The following CASK variants were observed in gnomAD, a reference collection of about 807,000 sequenced individuals.
CASK encodes peripheral plasma membrane protein CASK.
A neutral mutation model predicts 82.9 loss-of-function variants in CASK; 4 were observed. The observed-to-expected ratio is 0.05, with a 90% CI of 0.02 to 0.11. The LOEUF is 0.11. Ranked by LOEUF, CASK falls within the 10% of genes least tolerant of loss-of-function variation. The pLI, the probability that CASK is intolerant of heterozygous loss-of-function variation, is 1.00. For synonymous variants in CASK, 259 were observed against 253.5 expected (o/e 1.02, Z -0.20); for missense variants, 358 against 720.9 (o/e 0.50, Z 5.76).
chrX:41,854,230 A>ACG (rs2071330087), intron 1 of CASK, among the ~76,000 whole-genome samples: 16 of 99,018 alleles, frequency 1.6e-4, no homozygotes, highest in Middle Eastern at 5.0e-3. Context: ...GCGCGCACAC[A>ACG]CACACACACA....
At position 41,561,549 on chromosome X, in the gene CASK, A is replaced by G. The variant is rs751395675; in HGVS notation, c.1668+10T>C. 4.2e-5 allele frequency: 49 copies of G among 1,158,092 alleles called. No individual in the cohort carries two copies. The highest frequency in any genetic ancestry group is 2.4e-4 in the Middle Eastern group (1 of 4,180). ...CAATTTTAGGAAAGGAAAAACTTTC[A>G]TTTACTTACAAGCATTTTTTGCAGT... On this transcript the variant is annotated intron_variant, in intron 17 of 26. Transcript: ENST00000378163.
At chrX:41,824,259 C>A (rs2070610642) in intron 2 of CASK, among the ~76,000 whole-genome samples, 1 of 112,126 alleles carries the variant, frequency 8.9e-6, no homozygotes, top group Non-Finnish European at 1.9e-5. Flanking sequence ...TGATACATGT[C>A]ATCAAAACTA....
At chrX:41,574,138 A>G (rs904152545) in intron 15 of CASK, among the ~76,000 whole-genome samples, 2 of 111,130 alleles carry the variant, frequency 1.8e-5, no homozygotes, top group Non-Finnish European at 3.8e-5. Flanking sequence ...GATCCTCTGC[A>G]GATCTGAGGT....
intron 5 of CASK, among the ~76,000 whole-genome samples, chrX:41,681,320 T>C (rs2067350901): frequency 8.9e-6 from 1 of 112,206 alleles, no homozygotes; most frequent in South Asian, 3.7e-4. Context: ...AACTTACACC[T>C]ACACAGACTG....
At chrX:41,915,814 C>T (rs1328506482) in intron 1 of CASK, among the ~76,000 whole-genome samples, 1 of 108,758 alleles carries the variant, frequency 9.2e-6, no homozygotes. Flanking sequence ...ATGGTGAAAC[C>T]CCATCTCTAC....
intron 12 of CASK, among the ~76,000 whole-genome samples, chrX:41,601,734 G>A (rs2065896875): frequency 9.0e-6 from 1 of 111,344 alleles, no homozygotes; most frequent in Non-Finnish European, 1.9e-5. Context: ...AGGTAATGAA[G>A]ATTTATTCCT....
Position 41,517,512 on chromosome X carries a change from T to C in CASK, c.*2908A>G. ...GTGACTGGAAAATCAGGACATTTCA[T>C]CTTTTTAACAAAGAATTCAACATAT... On this transcript the variant is annotated 3_prime_UTR_variant, in exon 27 of 27. Coordinates refer to ENST00000378163, the MANE Select transcript of CASK (RefSeq NM_001367721.1). The C allele has an allele frequency of 7.2e-6, 2 of 279,286 alleles. No individual in the cohort carries two copies. The highest frequency in any genetic ancestry group is 6.4e-6 in the Non-Finnish European group (1 of 157,244). The allele number at this position is 279,286 out of a possible 1,213,427, so 23.0% of individuals were successfully genotyped here.
intron 2 of CASK, among the ~76,000 whole-genome samples, chrX:41,803,109 G>C (rs2070035844): frequency 2.7e-5 from 3 of 110,970 alleles, no homozygotes; most frequent in Admixed American, 9.6e-5. Context: ...TTCTCATGAC[G>C]AGCCCAGCAG....
intron 5 of CASK, among the ~76,000 whole-genome samples, chrX:41,712,649 G>C (rs2067996988): frequency 8.9e-6 from 1 of 112,609 alleles, no homozygotes; most frequent in African/African-American, 3.2e-5. Context: ...AAGCTAAACT[G>C]TTCTTGTAAA....
At chrX:41,904,763 C>G (rs5963284) in intron 1 of CASK, among the ~76,000 whole-genome samples, 1 of 111,497 alleles carries the variant, frequency 9.0e-6, no homozygotes. Context: ...CTCAAGTAGG[C>G]CCCAGTGTCT....
chrX:41,753,803 T>C lies in CASK; in HGVS notation c.279-8202A>G, dbSNP rs373389800. On this transcript the variant is annotated intron_variant, in intron 3 of 26. Coordinates refer to ENST00000378163, the MANE Select transcript of CASK (RefSeq NM_001367721.1). ...CCAGAGGCAGAGGTGGAAGGCTTGATTGAATCCAGGAGTTTGAGGCTGCAG... is the reference window on the plus strand; with the variant it reads ...CCAGAGGCAGAGGTGGAAGGCTTGACTGAATCCAGGAGTTTGAGGCTGCAG... 3.5e-4 allele frequency among the ~76,000 whole-genome samples: 39 copies of C among 111,658 alleles called. No homozygotes were observed. The South Asian group carries it at 0.013, about 37-fold the overall frequency.
intron 3 of CASK, among the ~76,000 whole-genome samples, chrX:41,757,603 C>A (rs189054637): frequency 8.9e-6 from 1 of 112,468 alleles, no homozygotes; most frequent in Non-Finnish European, 1.9e-5. Flanking sequence ...AATCATAGCT[C>A]ACTGTAACCT....
At chrX:41,623,968 T>C (rs935994060) in intron 10 of CASK, among the ~76,000 whole-genome samples, 24 of 111,911 alleles carry the variant, frequency 2.1e-4, no homozygotes, top group African/African-American at 7.5e-4. Context: ...CCTTGGCTTC[T>C]GAAACTGTTG....
intron 15 of CASK, among the ~76,000 whole-genome samples, chrX:41,573,038 C>T (rs2065434605): frequency 9.5e-6 from 1 of 105,516 alleles, no homozygotes; most frequent in African/African-American, 3.4e-5. Context: ...TGATGTCATC[C>T]TTATGTTTGT....
At chrX:41,845,840 C>G (rs1219286408) in intron 2 of CASK, among the ~76,000 whole-genome samples, 3 of 111,132 alleles carry the variant, frequency 2.7e-5, no homozygotes, top group South Asian at 7.5e-4. Context: ...TTATGGTGTT[C>G]TACTTTGATT....
intron 4 of CASK, among the ~76,000 whole-genome samples, chrX:41,743,979 C>T (rs1284743841): frequency 9.2e-6 from 1 of 108,768 alleles, no homozygotes. Context: ...GGCATGGTGG[C>T]GCATCCTGTA....
chrX:41,687,488 G>A (rs1479035162), intron 5 of CASK, among the ~76,000 whole-genome samples: 1 of 112,108 alleles, frequency 8.9e-6, no homozygotes, highest in Non-Finnish European at 1.9e-5. Context: ...CTCATATGAA[G>A]TGTCCAAAGT....
intron 21 of CASK, among the ~76,000 whole-genome samples, chrX:41,544,581 A>C (rs1166883153): frequency 5.5e-5 from 6 of 108,378 alleles, no homozygotes; most frequent in Admixed American, 4.0e-4. Flanking sequence ...AAAAAAAAAA[A>C]AAAAACAAAA....
chrX:41,831,528 A>G (rs1313203845), intron 2 of CASK, among the ~76,000 whole-genome samples: 1 of 112,563 alleles, frequency 8.9e-6, no homozygotes, highest in Non-Finnish European at 1.9e-5. Context: ...AGTTATAGAT[A>G]GAGTCTTTAC....
Sources: gnomAD v4.1 joint callset for allele counts (sites outside exome capture counted in the v4.1 genomes callset) on GRCh38, gnomAD v4.1.1 for gene constraint, MANE v1.5 for transcripts, NCBI Gene and HGNC (gene_info 2026-07-23, HGNC 2026-07-21) for gene names.